SNX25: variants seen among roughly 807,000 people sequenced by gnomAD.
SNX25 encodes the protein sorting nexin 25, also known as sorting nexin-25.
Under a neutral mutation model 113.7 loss-of-function variants are expected in SNX25, and 62 were observed. That is an observed-to-expected ratio of 0.55 (90% confidence interval 0.44 to 0.67). The LOEUF (loss-of-function observed/expected upper bound fraction) is 0.67. Among genes scored for constraint, SNX25 ranks in the 30% least tolerant of loss-of-function variants. The pLI is 0.00. For missense variants in SNX25, 1,014 were observed against 1,161.0 expected (o/e 0.87, Z 1.84); for synonymous variants, 421 against 436.2 (o/e 0.97, Z 0.43).
intron 6 of SNX25, among the ~76,000 whole-genome samples, chr4:185,300,049 G>A (rs949057832): frequency 4.6e-5 from 7 of 152,118 alleles, no homozygotes; most frequent in Non-Finnish European, 1.0e-4. Flanking sequence ...TAACTAAGTA[G>A]TTTTAGAATT....
At chr4:185,335,327 C>CAT (rs2095222456) in intron 10 of SNX25, among the ~76,000 whole-genome samples, 1 of 144,868 alleles carries the variant, frequency 6.9e-6, no homozygotes, top group Non-Finnish European at 1.5e-5. Context: ...CACACACACA[C>CAT]ACACACACAC....
chr4:185,340,322 C>G (rs2095253503), intron 11 of SNX25, among the ~76,000 whole-genome samples: 1 of 152,120 alleles, frequency 6.6e-6, no homozygotes, highest in African/African-American at 2.4e-5. Flanking sequence ...TTAAATTTAT[C>G]TCTAGGTTGG....
At chr4:185,227,271 T>C (rs1228225062) in intron 1 of SNX25, among the ~76,000 whole-genome samples, 1 of 152,244 alleles carries the variant, frequency 6.6e-6, no homozygotes, top group South Asian at 2.1e-4. Context: ...CATTTATCTT[T>C]CTTGTTTTGT....
intron 3 of SNX25, among the ~76,000 whole-genome samples, chr4:185,260,395 G>C (rs1413323088): frequency 6.6e-6 from 1 of 151,984 alleles, no homozygotes; most frequent in Admixed American, 6.6e-5. Flanking sequence ...TGGCATGCAG[G>C]AGTGAACTGT....
chr4:185,293,875 A>G (rs1199019655), intron 6 of SNX25, among the ~76,000 whole-genome samples: 2 of 152,236 alleles, frequency 1.3e-5, no homozygotes, highest in African/African-American at 4.8e-5. Flanking sequence ...ACGATCGTTT[A>G]TAAACAGAAA....
intron 11 of SNX25, among the ~76,000 whole-genome samples, chr4:185,339,881 C>G (rs2095251004): frequency 6.6e-6 from 1 of 152,166 alleles, no homozygotes; most frequent in Non-Finnish European, 1.5e-5. Context: ...TAGTTTCATC[C>G]TGCCAACTTC....
intron 6 of SNX25, among the ~76,000 whole-genome samples, chr4:185,290,043 A>G (rs1469046068): frequency 6.6e-6 from 1 of 152,112 alleles, no homozygotes; most frequent in Non-Finnish European, 1.5e-5. Context: ...GTGTCTTCAC[A>G]TTGTCCTTCT....
chr4:185,267,896 A>T (rs1748364940), intron 5 of SNX25, among the ~76,000 whole-genome samples: 1 of 152,236 alleles, frequency 6.6e-6, no homozygotes, highest in Non-Finnish European at 1.5e-5. Context: ...AGAAAATATT[A>T]TGAAAACCAG....
intron 8 of SNX25, among the ~76,000 whole-genome samples, chr4:185,321,157 A>G (rs1233689632): frequency 6.6e-6 from 1 of 152,042 alleles, no homozygotes; most frequent in Non-Finnish European, 1.5e-5. Context: ...ACATATCCAC[A>G]TTACTATTAT....
chr4:185,305,854 T>C (rs1258137983), intron 6 of SNX25, among the ~76,000 whole-genome samples: 1 of 152,204 alleles, frequency 6.6e-6, no homozygotes, highest in Non-Finnish European at 1.5e-5. Context: ...ATCACTTTTT[T>C]TGCCATTAAA....
chr4:185,340,179 C>T (rs973159856), intron 11 of SNX25, among the ~76,000 whole-genome samples: 1 of 152,122 alleles, frequency 6.6e-6, no homozygotes, highest in African/African-American at 2.4e-5. Context: ...ATATCAAGGT[C>T]CTGAGCAAGA....
downstream of SNX25, chr4:185,365,041 TAA>T (rs1401110043): frequency 6.7e-6 from 1 of 148,882 alleles, no homozygotes; most frequent in East Asian, 2.0e-4. Flanking sequence ...TGTGTGTGTG[TAA>T]GAGTAATGAT....
chr4:185,236,369 GA>G (rs34417344), intron 1 of SNX25, among the ~76,000 whole-genome samples: 1 of 151,574 alleles, frequency 6.6e-6, no homozygotes, highest in African/African-American at 2.4e-5. Flanking sequence ...CCTGACTGAA[GA>G]AAAAAAAGAC....
In SNX25 at chr4:185,341,878, C is replaced by T. The variant is rs142723641; in HGVS notation, c.2047-98C>T. The T allele has an allele frequency of 1.5e-3, 1,870 of 1,288,836 alleles. 3 individuals are homozygous for T. Among genetic ancestry groups the T allele is most frequent in the Middle Eastern group, 1.6e-3 (8 of 5,064 alleles). 79.8% of individuals were successfully genotyped at this position (1,288,836 alleles called of 1,614,324 possible). A position where few individuals can be genotyped will look rare whatever the true frequency, so the allele number is the denominator to read the frequency against. ...TCCAGGGATCCTGCAAGGTACATCA[C>T]GGGGAGGGAAATCTCCTTAGGGGGA... On this transcript the variant is annotated intron_variant, in intron 11 of 18. Transcript: ENST00000652585.
chr4:185,370,007 T>C, exon 12 of SNX25: 1 of 201,168 alleles, frequency 5.0e-6, no homozygotes, highest in South Asian at 7.9e-5. Context: ...GTGATGGACC[T>C]AAGATGTGCA....
At chr4:185,209,335 G>C (rs532129720), upstream of SNX25, 1 of 152,542 alleles carries the variant, frequency 6.6e-6, no homozygotes, top group Admixed American at 6.5e-5. The surrounding 1 kb of genome is among the most constrained non-coding windows in gnomAD (Gnocchi z 5.2). Context: ...CTGAGCTCAG[G>C]AATTACCAGC....
At chr4:185,352,493 T>G (rs1016780716) in intron 14 of SNX25, among the ~76,000 whole-genome samples, 1 of 152,176 alleles carries the variant, frequency 6.6e-6, no homozygotes, top group Admixed American at 6.5e-5. Context: ...ATCTCCCACC[T>G]CTTTCCTTCA....
At chr4:185,330,985 A>G (rs1305571295) in intron 9 of SNX25, among the ~76,000 whole-genome samples, 1 of 152,230 alleles carries the variant, frequency 6.6e-6, no homozygotes, top group African/African-American at 2.4e-5. Context: ...TAATTAAAAT[A>G]TCTATACTCA....
intron 5 of SNX25, among the ~76,000 whole-genome samples, chr4:185,281,197 G>A (rs1337897920): frequency 1.3e-5 from 2 of 151,830 alleles, no homozygotes; most frequent in Admixed American, 1.3e-4. Flanking sequence ...CTGTAATCAG[G>A]AAAAAATAAG....
Sources: gnomAD v4.1 joint callset for allele counts (sites outside exome capture counted in the v4.1 genomes callset) on GRCh38, gnomAD v4.1.1 for gene constraint, Gnocchi (gnomAD v3.1) non-coding constraint, MANE v1.5 for transcripts, NCBI Gene and HGNC (gene_info 2026-07-23, HGNC 2026-07-21) for gene names.